FKTN: variants seen among roughly 807,000 people sequenced by gnomAD.
FKTN encodes the protein fukutin.
In FKTN, 47 loss-of-function variants were observed where a neutral mutation model predicts 58.6. That is an observed-to-expected ratio of 0.80 (90% CI 0.63 to 1.02). The LOEUF is 1.02. Ranked by LOEUF, FKTN falls within the 50% of genes least tolerant of loss-of-function variation. The pLI is 0.00. For missense variants in FKTN, 516 were observed against 537.3 expected, an observed-to-expected ratio of 0.96 and a Z score of 0.39; for synonymous variants, 178 against 191.9, an observed-to-expected ratio of 0.93 and a Z score of 0.60.
chr9:105,622,546 A>G (rs1832145077), intron 10 of FKTN, among the ~76,000 whole-genome samples: 1 of 151,844 alleles, frequency 6.6e-6, no homozygotes, highest in Non-Finnish European at 1.5e-5. Flanking sequence ...TAATCCTCAT[A>G]CTATCCCTGT....
At chr9:105,609,957 A>C (rs953983420) in intron 7 of FKTN, among the ~76,000 whole-genome samples, 1 of 152,012 alleles carries the variant, frequency 6.6e-6, no homozygotes, top group African/African-American at 2.4e-5. Context: ...TTACATTTTC[A>C]ATTTATTTGT....
chr9:105,579,799 C>A (rs922662313), intron 3 of FKTN, among the ~76,000 whole-genome samples: 1 of 150,438 alleles, frequency 6.6e-6, no homozygotes, highest in East Asian at 1.9e-4. Flanking sequence ...GTGTGGGAGT[C>A]TAAGTCTCTT....
Position 105,601,178 on chromosome 9 carries a change from A to C in FKTN, c.199A>C (p.Asn67His). Residue 67 changes from asparagine (N) to histidine (H), a missense_variant, in exon 5 of 11, where the codon AAC becomes CAC. Physicochemically the swap from Asn to His is moderately conservative, Grantham distance 68. Coordinates refer to ENST00000357998, the MANE Select transcript of FKTN (RefSeq NM_001079802.2). ...TAAAAAATTTATTATGTTAACATCC[A>C]ACCAAAATGTACCAGTGTTTCTTAT... ...AVKKFIMLTS[N>H]QNVPVFLIDP... The C allele has an allele frequency of 6.2e-7, 1 of 1,610,778 alleles. No individual in the cohort carries two copies. The highest frequency in any genetic ancestry group is 8.5e-7 in the Non-Finnish European group (1 of 1,177,374).
At chr9:105,579,577 T>C (rs1403870268) in intron 3 of FKTN, among the ~76,000 whole-genome samples, 1 of 151,116 alleles carries the variant, frequency 6.6e-6, no homozygotes, top group Admixed American at 6.6e-5. Flanking sequence ...AGGAGAGCTT[T>C]ACTTCCAAGT....
intron 3 of FKTN, among the ~76,000 whole-genome samples, chr9:105,585,505 TA>T (rs1843745935): frequency 6.6e-6 from 1 of 152,246 alleles, no homozygotes; most frequent in South Asian, 2.1e-4. Flanking sequence ...TACCAACTTT[TA>T]AATTTATTTC....
At chr9:105,596,043 C>A (rs895859658) in intron 3 of FKTN, among the ~76,000 whole-genome samples, 3 of 151,964 alleles carry the variant, frequency 2.0e-5, no homozygotes, top group African/African-American at 7.3e-5. Context: ...CTTCAACATT[C>A]AAAATTACGA....
chr9:105,612,826 A>G (rs1020775703), intron 7 of FKTN, among the ~76,000 whole-genome samples: 16 of 152,144 alleles, frequency 1.1e-4, no homozygotes, highest in African/African-American at 3.6e-4. Flanking sequence ...TTAGCTGGAC[A>G]TGGTGGTGTG....
intron 5 of FKTN, 102 bp downstream of exon 5, chr9:105,601,450 C>A: frequency 1.3e-6 from 1 of 781,466 alleles, no homozygotes; most frequent in Non-Finnish European, 2.2e-6. Context: ...TTTCCTGAAA[C>A]ACTTTATAAA....
rs1172450618 is a variant in FKTN, at chr9:105,596,562, T to C, written c.106-36T>C. 4.8e-6 allele frequency: 7 copies of C among 1,471,036 alleles called. No homozygotes were observed. The East Asian group carries it at 1.4e-4, about 29-fold the overall frequency. 91.1% of individuals were successfully genotyped at this position (1,471,036 alleles called of 1,614,324 possible). A position where few individuals can be genotyped will look rare whatever the true frequency, so the allele number is the denominator to read the frequency against. ...AAATGTAATGTTGCATGCTGGACTT[T>C]GAATTTACTAAAAAGTTCTTTTGTT... On this transcript the variant is annotated intron_variant, in intron 3 of 10. Coordinates refer to ENST00000357998, the MANE Select transcript of FKTN (RefSeq NM_001079802.2).
chr9:105,572,831 A>G (rs1394075456), intron 1 of FKTN, among the ~76,000 whole-genome samples: 1 of 152,216 alleles, frequency 6.6e-6, no homozygotes, highest in Non-Finnish European at 1.5e-5. Context: ...CATGTACAAA[A>G]TACTCTGTCA....
intron 1 of FKTN, among the ~76,000 whole-genome samples, chr9:105,560,278 C>G (rs564303336): frequency 1.1e-3 from 160 of 152,202 alleles, no homozygotes; most frequent in Non-Finnish European, 2.0e-3. Flanking sequence ...TTTTAATGTA[C>G]ATATGAATCA....
intron 3 of FKTN, among the ~76,000 whole-genome samples, chr9:105,579,531 T>TA (rs1372109324): frequency 6.8e-6 from 1 of 147,692 alleles, no homozygotes; most frequent in Non-Finnish European, 1.5e-5. Flanking sequence ...GTCTGAGAGA[T>TA]AGTTTGTTAT....
Position 105,638,537 on chromosome 9 carries a change from G to A in FKTN, c.*3273G>A, listed in dbSNP as rs1834206276. On this transcript the variant is annotated 3_prime_UTR_variant, in exon 11 of 11. Coordinates refer to ENST00000357998, the MANE Select transcript of FKTN (RefSeq NM_001079802.2). ...CCAAGGGAACCATCAGCACCAACCTGCTAAATGCCTGTATTTGAAGTCTCT... is the reference window on the plus strand; with the variant it reads ...CCAAGGGAACCATCAGCACCAACCTACTAAATGCCTGTATTTGAAGTCTCT... 3.0e-6 allele frequency: 3 copies of A among 985,188 alleles called. No individual in the cohort carries two copies. The highest frequency in any genetic ancestry group is 3.6e-6 in the Non-Finnish European group (3 of 829,922). 61.0% of individuals were successfully genotyped at this position (985,188 alleles called of 1,614,324 possible). A position where few individuals can be genotyped will look rare whatever the true frequency, so the allele number is the denominator to read the frequency against.
intron 1 of FKTN, among the ~76,000 whole-genome samples, chr9:105,572,248 ATATT>A (rs1046021359): frequency 3.3e-5 from 5 of 150,618 alleles, no homozygotes; most frequent in African/African-American, 1.2e-4. Flanking sequence ...ATATATATAT[ATATT>A]TTAGTGTTTG....
chr9:105,618,770 G>A (rs1476356368), intron 9 of FKTN, among the ~76,000 whole-genome samples: 1 of 152,140 alleles, frequency 6.6e-6, no homozygotes, highest in African/African-American at 2.4e-5. Context: ...CTACAAGCAA[G>A]TAAAAATATG....
intron 1 of FKTN, among the ~76,000 whole-genome samples, chr9:105,573,238 C>CAAA (rs34674142): frequency 6.8e-6 from 1 of 147,988 alleles, no homozygotes; most frequent in African/African-American, 2.5e-5. Flanking sequence ...GACTCTGTCT[C>CAAA]AAAAAAAAAA....
chr9:105,599,120 A>AT (rs1400611405), intron 4 of FKTN, among the ~76,000 whole-genome samples: 1 of 152,134 alleles, frequency 6.6e-6, no homozygotes, highest in Non-Finnish European at 1.5e-5. Context: ...TCAGTAATAG[A>AT]TTTTTTGTTC....
chr9:105,637,350 A>G lies in FKTN; in HGVS notation c.*2086A>G, dbSNP rs1161678241. ...CTGAAATCCAAGACATCTTGGCCCA[A>G]TTGACACAGGTTCTATATTCTTCCC... On this transcript the variant is annotated 3_prime_UTR_variant, in exon 11 of 11. Coordinates refer to ENST00000357998, the MANE Select transcript of FKTN (RefSeq NM_001079802.2). The G allele has an allele frequency of 1.0e-5, 10 of 985,380 alleles. No homozygotes were observed. Among genetic ancestry groups the G allele is most frequent in the Middle Eastern group, 5.2e-4 (1 of 1,914 alleles). 61.0% of individuals were successfully genotyped at this position (985,380 alleles called of 1,614,324 possible). A position where few individuals can be genotyped will look rare whatever the true frequency, so the allele number is the denominator to read the frequency against.
chr9:105,604,350 C>T lies in FKTN; in HGVS notation c.505C>T (p.His169Tyr), dbSNP rs1243169303. 1 of 1,614,176 alleles carries T rather than the reference C, an allele frequency of 6.2e-7. No individual in the cohort carries two copies. Among genetic ancestry groups the T allele is most frequent in the Non-Finnish European group, 8.5e-7 (1 of 1,180,018 alleles). Residue 169 changes from histidine (H) to tyrosine (Y), a missense_variant, in exon 6 of 11, where the codon CAT becomes TAT. By Grantham distance (83) the His-to-Tyr change is moderately conservative. Coordinates refer to ENST00000357998, the MANE Select transcript of FKTN (RefSeq NM_001079802.2). ...GCACTATATCTGCAAACTGGCCACT[C>T]ATGCGATCCACTTGGTAGTCTTTCA... ...PLHYICKLATHAIHLVVFHER... is the reference protein window; with the variant it reads ...PLHYICKLATYAIHLVVFHER...
Sources: allele counts gnomAD v4.1 joint callset (sites outside exome capture counted in the v4.1 genomes callset), GRCh38; gene constraint gnomAD v4.1.1; transcripts MANE v1.5; gene names NCBI Gene and HGNC (gene_info 2026-07-23, HGNC 2026-07-21).